SPTY2D1: variants seen among roughly 807,000 people sequenced by gnomAD.
SPTY2D1 encodes the protein protein SPT2 homolog.
In SPTY2D1, 21 loss-of-function variants were observed where a neutral mutation model predicts 64.0. The ratio of observed to expected loss-of-function variants is 0.33; its 90% CI spans 0.23 to 0.47. The LOEUF is 0.47. Among genes scored for constraint, SPTY2D1 ranks in the 20% least tolerant of loss-of-function variants. The pLI is 1.00. For missense variants in SPTY2D1, 724 were observed against 837.2 expected (o/e 0.86, Z 1.67); for synonymous variants, 287 against 286.8 (o/e 1.00, Z -0.01).
chr11:18,621,904 T>C (rs914755441), intron 1 of SPTY2D1, among the ~76,000 whole-genome samples: 6 of 151,662 alleles, frequency 4.0e-5, no homozygotes, highest in Admixed American at 6.6e-5. Flanking sequence ...GTGGGCAATA[T>C]AGGGAGACCC....
intron 1 of SPTY2D1, among the ~76,000 whole-genome samples, chr11:18,627,825 G>C (rs2134117855): frequency 6.6e-6 from 1 of 151,958 alleles, no homozygotes; most frequent in East Asian, 1.9e-4. Context: ...CTTGCAGTGA[G>C]CCGAGATCAT....
rs765642325 is a variant in SPTY2D1 at position 18,615,290 on chromosome 11, A to G, written c.984T>C (p.Ser328=). The G allele has an allele frequency of 1.2e-6, 2 of 1,614,216 alleles. No homozygotes were observed. Among genetic ancestry groups the G allele is most frequent in the Non-Finnish European group, 1.7e-6 (2 of 1,180,040 alleles). ...CAGCAGATTTCTGAGTCCTGCTAGC[A>G]GAAGTCTTTGGGACACTTGGTGAAG... is the stretch of plus-strand genomic sequence containing the variant. ...STSSPSVPKT[S]ASRTQKSAVE... The change falls in exon 3 of 6, where the codon TCT becomes TCC. Residue 328 remains serine, a synonymous_variant. Transcript: ENST00000336349.
At position 18,609,852 on chromosome 11, in the gene SPTY2D1, A is replaced by T; in HGVS notation, c.*9T>A. ...CAGCTCTAGAATTTCACAAAAATAAAAGCAGCAGCTAACGCCTCTTCAGCT... is the reference window on the plus strand; with the variant it reads ...CAGCTCTAGAATTTCACAAAAATAATAGCAGCAGCTAACGCCTCTTCAGCT... On this transcript the variant is annotated 3_prime_UTR_variant, in exon 6 of 6. Coordinates refer to ENST00000336349, the MANE Select transcript of SPTY2D1 (RefSeq NM_194285.3). 6.2e-7 allele frequency: 1 copy of T among 1,613,378 alleles called. No homozygotes were observed. The highest frequency in any genetic ancestry group is 8.5e-7 in the Non-Finnish European group (1 of 1,179,662).
intron 1 of SPTY2D1, among the ~76,000 whole-genome samples, chr11:18,627,377 G>C (rs112467445): frequency 0.038 from 5,844 of 151,852 alleles, 411 homozygotes; most frequent in African/African-American, 0.14. Context: ...GTTGCAGTGA[G>C]CCAAGATCAT....
At chr11:18,633,034 G>A (rs554297675) in intron 1 of SPTY2D1, among the ~76,000 whole-genome samples, 2 of 152,144 alleles carry the variant, frequency 1.3e-5, no homozygotes, top group Non-Finnish European at 2.9e-5. Flanking sequence ...CCTTCAACAT[G>A]CAAAGCTTAT....
chr11:18,617,193 G>A (rs1854312899), intron 1 of SPTY2D1, among the ~76,000 whole-genome samples: 1 of 152,058 alleles, frequency 6.6e-6, no homozygotes, highest in African/African-American at 2.4e-5. Flanking sequence ...GGGGTACAAA[G>A]TTTCCATGTA....
rs1554987340 is a variant in SPTY2D1 at position 18,609,899 on chromosome 11, T to G, written c.2020A>C (p.Met674Leu). Residue 674 changes from methionine (M) to leucine (L), a missense_variant, in exon 6 of 6, where the codon ATG (methionine) becomes CTG (leucine). Transcript: ENST00000336349. ...AGCTTCTTGGCCCTTCGACGTTGCATTTCTTCTTCTTCACGTCTCATTTCC... is the reference window on the plus strand; with the variant it reads ...AGCTTCTTGGCCCTTCGACGTTGCAGTTCTTCTTCTTCACGTCTCATTTCC... ...LEEMRREEEE[M>L]QRRRAKKLKR... 6.2e-7 allele frequency: 1 copy of G among 1,614,176 alleles called. No homozygotes were observed. Among genetic ancestry groups the G allele is most frequent in the South Asian group, 1.1e-5 (1 of 91,078 alleles).
At chr11:18,619,477 G>C (rs919592493) in intron 1 of SPTY2D1, among the ~76,000 whole-genome samples, 2 of 140,844 alleles carry the variant, frequency 1.4e-5, no homozygotes, top group African/African-American at 5.3e-5. Context: ...AAAAAAAAAA[G>C]GCTGGGTGCA....
chr11:18,626,073 T>G (rs144427103), intron 1 of SPTY2D1, among the ~76,000 whole-genome samples: 1 of 152,120 alleles, frequency 6.6e-6, no homozygotes, highest in Non-Finnish European at 1.5e-5. Context: ...CCACCTCAGC[T>G]TCCCAAAGAG....
chr11:18,619,804 TAG>T (rs1321020238), intron 1 of SPTY2D1, among the ~76,000 whole-genome samples: 1 of 152,066 alleles, frequency 6.6e-6, no homozygotes, highest in Non-Finnish European at 1.5e-5. Context: ...ATATAGCTCA[TAG>T]AGTTACAAAG....
At chr11:18,613,242 TTGAC>T (rs920479346) in intron 3 of SPTY2D1, among the ~76,000 whole-genome samples, 2 of 152,242 alleles carry the variant, frequency 1.3e-5, no homozygotes, top group African/African-American at 4.8e-5. Context: ...CTGAGTAAGT[TTGAC>T]TGTAGGAAAA....
intron 3 of SPTY2D1, among the ~76,000 whole-genome samples, chr11:18,614,001 T>C (rs1854246807): frequency 2.0e-5 from 3 of 152,176 alleles, no homozygotes; most frequent in Admixed American, 2.0e-4. Flanking sequence ...AGCATACATA[T>C]GTAAGTCACG....
intron 1 of SPTY2D1, among the ~76,000 whole-genome samples, chr11:18,619,667 G>A (rs1854359802): frequency 1.3e-5 from 2 of 152,062 alleles, no homozygotes; most frequent in Admixed American, 1.3e-4. Flanking sequence ...TGAGGCAAGA[G>A]AATTGCTTGA....
chr11:18,614,489 C>A, intron 3 of SPTY2D1, 74 bp downstream of exon 3: 1 of 1,421,542 alleles, frequency 7.0e-7, no homozygotes, highest in Non-Finnish European at 9.6e-7. Flanking sequence ...TTCAAAGGGT[C>A]CCTGATAATA....
chr11:18,611,485 T>C lies in SPTY2D1; in HGVS notation c.1956A>G (p.Glu652=). The C allele has an allele frequency of 1.2e-6, 2 of 1,614,062 alleles. No individual in the cohort carries two copies. Among genetic ancestry groups the C allele is most frequent in the Non-Finnish European group, 1.7e-6 (2 of 1,179,980 alleles). The change falls in exon 5 of 6, where the codon GAA becomes GAG. Residue 652 remains glutamate, a synonymous_variant. Transcript: ENST00000336349. ...CTAAATTTTATGCTTACCTCTTTGC[T>C]TCTTCCTTCTGCTGCTCTTTCCAAC... ...ESSWKEQQKE[E]AKSLRLGMQE...
chr11:18,632,955 T>A (rs991710024), intron 1 of SPTY2D1, among the ~76,000 whole-genome samples: 2 of 152,164 alleles, frequency 1.3e-5, no homozygotes, highest in Non-Finnish European at 2.9e-5. Context: ...TATTGATTCA[T>A]CTGGAAAATT....
In SPTY2D1 at chr11:18,612,229, C is replaced by A; in HGVS notation, c.1886+85G>T. The A allele has an allele frequency of 9.2e-7, 1 of 1,088,564 alleles. No individual in the cohort carries two copies. The highest frequency in any genetic ancestry group is 1.9e-5 in the South Asian group (1 of 52,632). 67.4% of individuals were successfully genotyped at this position (1,088,564 alleles called of 1,614,324 possible). ...TAATTAAGAATTGTATTCAGTGCCT[C>A]CACTATTAGTTTATTACCCCATGAC... On this transcript the variant is annotated intron_variant, in intron 4 of 5. Transcript: ENST00000336349. This position sits in a 1 kb window ranked among gnomAD's most constrained non-coding sequence, Gnocchi z 4.6.
At chr11:18,627,139 A>G (rs894974375) in intron 1 of SPTY2D1, among the ~76,000 whole-genome samples, 1 of 151,586 alleles carries the variant, frequency 6.6e-6, no homozygotes. Context: ...TTGGCCAGGC[A>G]TGGTGGCTCA....
At chr11:18,628,319 T>C (rs1421852032) in intron 1 of SPTY2D1, among the ~76,000 whole-genome samples, 5 of 152,350 alleles carry the variant, frequency 3.3e-5, no homozygotes, top group Non-Finnish European at 7.4e-5. Flanking sequence ...AGTTTTTATG[T>C]GGATGTATGT....
Sources: gnomAD v4.1 joint callset for allele counts (sites outside exome capture counted in the v4.1 genomes callset) on GRCh38, gnomAD v4.1.1 for gene constraint, Gnocchi (gnomAD v3.1) non-coding constraint, MANE v1.5 for transcripts, NCBI Gene and HGNC (gene_info 2026-07-23, HGNC 2026-07-21) for gene names.